NR6A1: variants seen among roughly 807,000 people sequenced by gnomAD.
NR6A1 encodes retinoic acid receptor-related testis-associated receptor.
In NR6A1, 7 loss-of-function variants were observed where a neutral mutation model predicts 59.1. The observed-to-expected ratio is 0.12, with a 90% CI of 0.07 to 0.22. The LOEUF is 0.22. Ranked by LOEUF, NR6A1 falls within the 10% of genes least tolerant of loss-of-function variation. The pLI is 1.00. For synonymous variants in NR6A1, 243 were observed against 236.1 expected, an observed-to-expected ratio of 1.03 and a Z score of -0.27; for missense variants, 468 against 611.6, an observed-to-expected ratio of 0.77 and a Z score of 2.48.
chr9:124,525,284 A>AACACAC (rs71492413), intron 8 of NR6A1, among the ~76,000 whole-genome samples: 21,794 of 137,142 alleles, frequency 0.16, 1,842 homozygotes, highest in African/African-American at 0.19. Flanking sequence ...ATGCTTGTAA[A>AACACAC]ACACACACAC....
intron 2 of NR6A1, chr9:124,693,609 T>C: frequency 2.2e-6 from 1 of 451,120 alleles, no homozygotes; most frequent in South Asian, 1.7e-5. Context: ...GGCTGGTTAC[T>C]AAGGGAGAAG....
chr9:124,530,047 T>C (rs1833055181), intron 7 of NR6A1, among the ~76,000 whole-genome samples: 1 of 152,098 alleles, frequency 6.6e-6, no homozygotes, highest in African/African-American at 2.4e-5. Flanking sequence ...TTGCCCCAAG[T>C]GTTCACTCTG....
chr9:124,666,275 C>CT (rs922378385), intron 2 of NR6A1, among the ~76,000 whole-genome samples: 1,908 of 103,000 alleles, frequency 0.019, 62 homozygotes, highest in East Asian at 0.067. Context: ...CTATGTGGTT[C>CT]TTTTTTTTTT....
intron 2 of NR6A1, among the ~76,000 whole-genome samples, chr9:124,694,979 T>C (rs1838697534): frequency 6.6e-6 from 1 of 152,242 alleles, no homozygotes; most frequent in African/African-American, 2.4e-5. Context: ...GAGTTGCTTT[T>C]AAAATGGCAA....
At chr9:124,729,059 A>G (rs967940755) in intron 2 of NR6A1, among the ~76,000 whole-genome samples, 11 of 152,186 alleles carry the variant, frequency 7.2e-5, no homozygotes, top group African/African-American at 2.7e-4. Context: ...AAGCTTGTTT[A>G]GTGGGAAAAA....
intron 2 of NR6A1, among the ~76,000 whole-genome samples, chr9:124,667,274 A>C (rs1158979644): frequency 6.6e-6 from 1 of 151,514 alleles, no homozygotes; most frequent in Non-Finnish European, 1.5e-5. Context: ...CTCATGATCC[A>C]CCCACCCCAG....
At chr9:124,668,779 G>A (rs534691825) in intron 2 of NR6A1, among the ~76,000 whole-genome samples, 24 of 152,226 alleles carry the variant, frequency 1.6e-4, no homozygotes, top group African/African-American at 5.8e-4. Flanking sequence ...CCATATTTCT[G>A]ACAATTTTTT....
chr9:124,712,930 A>T (rs1231388859), intron 2 of NR6A1, among the ~76,000 whole-genome samples: 1 of 152,210 alleles, frequency 6.6e-6, no homozygotes, highest in Non-Finnish European at 1.5e-5. Flanking sequence ...TGATAAAAAA[A>T]ACTCTTAGCA....
chr9:124,570,321 T>C (rs570505320), intron 2 of NR6A1, among the ~76,000 whole-genome samples: 276 of 152,332 alleles, frequency 1.8e-3, no homozygotes, highest in Non-Finnish European at 2.9e-3. Context: ...CTACTAGGCG[T>C]GTCCTTAAAC....
chr9:124,642,560 C>T (rs1836795734), intron 2 of NR6A1, among the ~76,000 whole-genome samples: 1 of 152,122 alleles, frequency 6.6e-6, no homozygotes, highest in Non-Finnish European at 1.5e-5. Flanking sequence ...TTACTAGACA[C>T]CAATAACAAT....
In NR6A1 at chr9:124,771,023, T is replaced by C. The variant is rs1319880091; in HGVS notation, c.97A>G (p.Asn33Asp). 3.3e-6 allele frequency: 4 copies of C among 1,228,850 alleles called. No homozygotes were observed. The African/African-American group carries it at 6.2e-5, about 19-fold the overall frequency. 76.1% of individuals were successfully genotyped at this position (1,228,850 alleles called of 1,614,324 possible). A position where few individuals can be genotyped will look rare whatever the true frequency, so the allele number is the denominator to read the frequency against. ...GCGTCGCAGGCCCCTCACCCACCGT[T>C]GCGCGGCGGCGGAGGGAGCGCGGCG... is the stretch of plus-strand genomic sequence containing the variant. Reference protein sequence around the residue: ...PPAALPPPPRNGFCQDELAEL... With the variant: ...PPAALPPPPRDGFCQDELAEL... The change falls in exon 1 of 10, where the codon AAC (asparagine) becomes GAC (aspartate). Residue 33 changes from asparagine (N) to aspartate (D), a missense_variant. Coordinates refer to ENST00000487099, the MANE Select transcript of NR6A1 (RefSeq NM_033334.4).
At chr9:124,661,019 A>G (rs1434029690) in intron 2 of NR6A1, among the ~76,000 whole-genome samples, 1 of 152,216 alleles carries the variant, frequency 6.6e-6, no homozygotes, top group African/African-American at 2.4e-5. Flanking sequence ...TCTCTCCAAA[A>G]TATCACATAA....
At chr9:124,627,467 G>C (rs1836279117) in intron 2 of NR6A1, among the ~76,000 whole-genome samples, 1 of 152,198 alleles carries the variant, frequency 6.6e-6, no homozygotes, top group African/African-American at 2.4e-5. Flanking sequence ...GGAGATTATG[G>C]AAATCCACAG....
chr9:124,584,211 G>A (rs907784699), intron 2 of NR6A1, among the ~76,000 whole-genome samples: 3 of 151,280 alleles, frequency 2.0e-5, no homozygotes, highest in Non-Finnish European at 1.5e-5. Flanking sequence ...ACGTTCAAGC[G>A]ATTCTCCTGC....
In NR6A1 at chr9:124,634,852, C is replaced by A. The variant is rs151318589; in HGVS notation, c.143-80282G>T. On this transcript the variant is annotated intron_variant, in intron 2 of 9. Coordinates refer to ENST00000487099, the MANE Select transcript of NR6A1 (RefSeq NM_033334.4). Reference sequence around the variant, plus strand: ...AGAGAGAGAGAGAGAGACTTTATTTCTCAGAGCAGTTTTACATTCACACCA... The same window carrying A: ...AGAGAGAGAGAGAGAGACTTTATTTATCAGAGCAGTTTTACATTCACACCA... 1.1e-3 allele frequency among the ~76,000 whole-genome samples: 168 copies of A among 152,212 alleles called. 3 individuals are homozygous for A. The East Asian group carries it at 0.025, about 23-fold the overall frequency.
At chr9:124,637,126 G>C (rs1331601422) in intron 2 of NR6A1, among the ~76,000 whole-genome samples, 1 of 152,136 alleles carries the variant, frequency 6.6e-6, no homozygotes, top group Non-Finnish European at 1.5e-5. Context: ...TAGCATTTGA[G>C]CTCCGTTTTG....
rs375084548 is a variant in NR6A1, at chr9:124,548,803, A to C, written c.386-4946T>G. ...AGTTATGAGACCACAGAGTTAAGGAAATTTTTTATTTTTTCACAGTTACTT... is the reference window on the plus strand; with the variant it reads ...AGTTATGAGACCACAGAGTTAAGGACATTTTTTATTTTTTCACAGTTACTT... On this transcript the variant is annotated intron_variant, in intron 3 of 9. Transcript: ENST00000487099. 1.1e-3 allele frequency among the ~76,000 whole-genome samples: 175 copies of C among 152,290 alleles called. 2 individuals carry two copies. Among genetic ancestry groups the C allele is most frequent in the African/African-American group, 3.8e-3 (157 of 41,566 alleles).
intron 2 of NR6A1, among the ~76,000 whole-genome samples, chr9:124,686,704 CTTTTT>C (rs751899156): frequency 7.4e-6 from 1 of 135,850 alleles, no homozygotes; most frequent in Non-Finnish European, 1.6e-5. Flanking sequence ...CTTTAAAAGT[CTTTTT>C]TTTTTTTTTT....
Position 124,693,557 on chromosome 9 carries a change from T to C in NR6A1, c.142+39751A>G, listed in dbSNP as rs150465599. On this transcript the variant is annotated intron_variant, in intron 2 of 9. Transcript: ENST00000487099. ...CTGCAATAACCTCCCAGCTCCAATG[T>C]CAATGTTATGGACACCTGTGTGGGC... Among the ~76,000 whole-genome samples, 1,014 of 152,286 alleles carry C rather than the reference T, an allele frequency of 6.7e-3. 10 individuals carry two copies. Among genetic ancestry groups the C allele is most frequent in the African/African-American group, 0.023 (956 of 41,542 alleles).
Sources: gnomAD v4.1 joint callset for allele counts (sites outside exome capture counted in the v4.1 genomes callset) on GRCh38, gnomAD v4.1.1 for gene constraint, MANE v1.5 for transcripts, NCBI Gene and HGNC (gene_info 2026-07-23, HGNC 2026-07-21) for gene names.